Variants in SBNO2 observed in about 807,000 individuals in gnomAD.
The protein encoded by SBNO2 is strawberry notch homolog 2, also known as protein strawberry notch homolog 2.
In SBNO2, 89 loss-of-function variants were observed where a neutral mutation model predicts 146.3. That is an observed-to-expected ratio of 0.61 (90% confidence interval 0.51 to 0.73). SBNO2 has a LOEUF of 0.73. SBNO2 is among the 30% of genes least tolerant of loss of function. The pLI is 0.00. For missense variants in SBNO2, 2,092 were observed against 2,003.7 expected, an observed-to-expected ratio of 1.04 and a Z score of -0.84; for synonymous variants, 1,147 against 892.6, an observed-to-expected ratio of 1.29 and a Z score of -5.08.
chr19:1,116,753 AGGCCACAGGTGGCCACAGAG>A, intron 16 of SBNO2, 56 bp downstream of exon 16: 1 of 1,310,864 alleles, frequency 7.6e-7, no homozygotes, highest in South Asian at 1.4e-5. Flanking sequence ...GGGCAGGGTC[AGGCCACAGGTGGCCACAGAG>A]AGGGGTGGCC....
At position 1,174,185 on chromosome 19, in the gene SBNO2, C is replaced by G. The variant is rs1470265560; in HGVS notation, c.-140G>C. 6.6e-6 allele frequency: 1 copy of G among 151,866 alleles called. No homozygotes were observed. The highest frequency in any genetic ancestry group is 2.4e-5 in the African/African-American group (1 of 41,376). The allele number at this position is 151,866 out of a possible 1,614,324, so 9.4% of individuals were successfully genotyped here. A position where few individuals can be genotyped will look rare whatever the true frequency, so the allele number is the denominator to read the frequency against. Reference sequence around the variant, plus strand: ...CCAGAGCCTCACCTCGGGCCCGGGTCCGGCCGGGCGCGGAGCCCGCGGCGC... The same window carrying G: ...CCAGAGCCTCACCTCGGGCCCGGGTGCGGCCGGGCGCGGAGCCCGCGGCGC... On this transcript the variant is annotated 5_prime_UTR_variant, in exon 1 of 32. Coordinates refer to ENST00000361757, the MANE Select transcript of SBNO2 (RefSeq NM_014963.3).
At position 1,173,271 on chromosome 19, in the gene SBNO2, CCGG is replaced by C. The variant is rs1369302319; in HGVS notation, c.-127+898_-127+900del. 2.0e-5 allele frequency among the ~76,000 whole-genome samples: 3 copies of C among 152,122 alleles called. No homozygotes were observed. Among genetic ancestry groups the C allele is most frequent in the African/African-American group, 2.4e-5 (1 of 41,386 alleles). The stretch of plus-strand genomic sequence containing the variant: ...TCCCCTTCACCGACACACGCTGCTC[CCGG>C]GCCCCACTCGGGCCATCTCAGCCCG... On this transcript the variant is annotated intron_variant, in intron 1 of 31. Coordinates refer to ENST00000361757, the MANE Select transcript of SBNO2 (RefSeq NM_014963.3). The surrounding 1 kb of genome is among the most constrained non-coding windows in gnomAD (Gnocchi z 4.7).
intron 5 of SBNO2, 24 bp downstream of exon 5, chr19:1,127,580 G>C (rs768202294): frequency 6.2e-7 from 1 of 1,606,926 alleles, no homozygotes; most frequent in Non-Finnish European, 8.5e-7. Context: ...GTCGGGGCTG[G>C]CTGGGGGCAC....
Position 1,149,390 on chromosome 19 carries a change from G to C in SBNO2, c.146C>G (p.Pro49Arg), listed in dbSNP as rs1429521181. The change falls in exon 3 of 32, where the codon CCT (proline) becomes CGT (arginine). Residue 49 changes from proline to arginine, a missense_variant. By Grantham distance (103) the Pro-to-Arg change is moderately radical. Coordinates refer to ENST00000361757, the MANE Select transcript of SBNO2 (RefSeq NM_014963.3). ...TCACCGGCTGTCGCTGGAGAAGGCA[G>C]GGTATGGCGGCAGCGAGAAGGTGTT... is the stretch of plus-strand genomic sequence containing the variant. Reference protein sequence around the residue: ...YWNTFSLPPYPAFSSDSRPFM... With the variant: ...YWNTFSLPPYRAFSSDSRPFM... 1.3e-6 allele frequency: 2 copies of C among 1,552,458 alleles called. No individual in the cohort carries two copies. The highest frequency in any genetic ancestry group is 1.7e-6 in the Non-Finnish European group (2 of 1,148,282).
chr19:1,143,456 A>G (rs146200651), intron 4 of SBNO2, among the ~76,000 whole-genome samples: 81 of 152,300 alleles, frequency 5.3e-4, no homozygotes, highest in African/African-American at 1.8e-3. Flanking sequence ...TGAACAACAG[A>G]GCCAGACCCT....
intron 1 of SBNO2, among the ~76,000 whole-genome samples, chr19:1,166,489 T>G (rs1481992394): frequency 6.6e-6 from 1 of 152,060 alleles, no homozygotes; most frequent in African/African-American, 2.4e-5. Flanking sequence ...GCTCGGGTCT[T>G]GTGTTTATTT....
intron 1 of SBNO2, among the ~76,000 whole-genome samples, chr19:1,172,723 C>G (rs1016306179): frequency 6.7e-6 from 1 of 148,524 alleles, no homozygotes; most frequent in African/African-American, 2.5e-5. Flanking sequence ...CCCTCCCATG[C>G]TCTTCTCTTG....
rs574171463 is a variant in SBNO2 at position 1,110,554 on chromosome 19, G to T, written c.3028+191C>A. Among the ~76,000 whole-genome samples, 12 of 136,774 alleles carry T rather than the reference G, an allele frequency of 8.8e-5. No individual in the cohort carries two copies. The highest frequency in any genetic ancestry group is 2.0e-4 in the East Asian group (1 of 4,990). The allele number at this position is 136,774 out of a possible 152,430, so 89.7% of individuals were successfully genotyped here. On this transcript the variant is annotated intron_variant, in intron 26 of 31. Coordinates refer to ENST00000361757, the MANE Select transcript of SBNO2 (RefSeq NM_014963.3). The surrounding 1 kb of genome is among the most constrained non-coding windows in gnomAD (Gnocchi z 4.9). Reference sequence around the variant, plus strand: ...AATGCACGGTGTTCCCACGAGCCCCGAGCCCACCTGGGATGCCCGGCGTTC... The same window carrying T: ...AATGCACGGTGTTCCCACGAGCCCCTAGCCCACCTGGGATGCCCGGCGTTC...
chr19:1,124,790 T>C (rs1277988417), intron 5 of SBNO2, among the ~76,000 whole-genome samples: 1 of 152,092 alleles, frequency 6.6e-6, no homozygotes, highest in African/African-American at 2.4e-5. Flanking sequence ...CCCCAGGCCT[T>C]GGCAGACAGG....
chr19:1,149,494 A>G, intron 2 of SBNO2, 52 bp from the exon 3 acceptor site: 1 of 1,488,224 alleles, frequency 6.7e-7, no homozygotes. Flanking sequence ...CCTGCGGTGC[A>G]GCCCGGCTAA....
In SBNO2 at chr19:1,158,977, G is replaced by A. The variant is rs371556697; in HGVS notation, c.-126-4575C>T. ...CGTGACCCCACTTGCAGCTGCAACC[G>A]CCGCCCCACGGCCGTGACCCCACCT... On this transcript the variant is annotated intron_variant, in intron 1 of 31. Coordinates refer to ENST00000361757, the MANE Select transcript of SBNO2 (RefSeq NM_014963.3). The surrounding 1 kb of genome is among the most constrained non-coding windows in gnomAD (Gnocchi z 9.9). Among the ~76,000 whole-genome samples the A allele has an allele frequency of 9.1e-4, 130 of 142,590 alleles. No individual in the cohort carries two copies. The highest frequency in any genetic ancestry group is 3.5e-3 in the African/African-American group (128 of 37,094). 93.5% of individuals were successfully genotyped at this position (142,590 alleles called of 152,430 possible).
At position 1,112,321 on chromosome 19, in the gene SBNO2, C is replaced by CA; in HGVS notation, c.2516-21dup. On this transcript the variant is annotated intron_variant, in intron 21 of 31. Coordinates refer to ENST00000361757, the MANE Select transcript of SBNO2 (RefSeq NM_014963.3). The surrounding 1 kb of genome is among the most constrained non-coding windows in gnomAD (Gnocchi z 5.9). ...TGCGGCCTGGGGGCAGAGCTGCTCT[C>CA]AGGGCCCGGCCAGGCGGGGGCGGGG... is the stretch of plus-strand genomic sequence containing the variant. 3.2e-6 allele frequency: 5 copies of CA among 1,574,872 alleles called. No individual in the cohort carries two copies. Among genetic ancestry groups the CA allele is most frequent in the Non-Finnish European group, 4.3e-6 (5 of 1,161,918 alleles).
At chr19:1,142,753 G>C (rs2080153009) in intron 4 of SBNO2, among the ~76,000 whole-genome samples, 1 of 152,072 alleles carries the variant, frequency 6.6e-6, no homozygotes, top group South Asian at 2.1e-4. Flanking sequence ...GATCACCTGA[G>C]GTCAGGAGTT....
At position 1,122,936 on chromosome 19, in the gene SBNO2, G is replaced by A. The variant is rs752814016; in HGVS notation, c.738C>T (p.Ala246=). 3.9e-6 allele frequency: 6 copies of A among 1,558,364 alleles called. No homozygotes were observed. Among genetic ancestry groups the A allele is most frequent in the Middle Eastern group, 1.7e-4 (1 of 6,024 alleles). The change falls in exon 8 of 32, where the codon GCC becomes GCT. Residue 246 remains alanine (A), a synonymous_variant. Transcript: ENST00000361757. ...TGGCCTCTAGCTGCAGGGCAGACAG[G>A]GCCCCGCTGTCCGAGGGCAGGGCCA... ...YTLALPSDSG[A]LSALQLEAIT...
At position 1,109,127 on chromosome 19, in the gene SBNO2, G is replaced by A. The variant is rs1469402878; in HGVS notation, c.3425+8C>T. ...CCGGTTTCCCCCTGGTCCCCGGCCC[G>A]CCCTCACCAGGCGCTGTGGCTGCAG... On this transcript the variant is annotated splice_region_variant and intron_variant, in intron 30 of 31. Coordinates refer to ENST00000361757, the MANE Select transcript of SBNO2 (RefSeq NM_014963.3). This position sits in a 1 kb window ranked among gnomAD's most constrained non-coding sequence, Gnocchi z 4.2. 8 of 1,550,618 alleles carry A rather than the reference G, an allele frequency of 5.2e-6. No homozygotes were observed. The Middle Eastern group carries it at 5.1e-4, about 100-fold the overall frequency.
chr19:1,119,791 G>T, intron 12 of SBNO2, 115 bp downstream of exon 12: 5 of 967,984 alleles, frequency 5.2e-6, no homozygotes, highest in Middle Eastern at 2.6e-4. Flanking sequence ...CAGTGTCCGA[G>T]GAGGAGCAGG....
At chr19:1,143,124 G>A (rs2080156257) in intron 4 of SBNO2, among the ~76,000 whole-genome samples, 1 of 152,154 alleles carries the variant, frequency 6.6e-6, no homozygotes, top group Non-Finnish European at 1.5e-5. Context: ...CAGGTCACAC[G>A]ATGGCTTTGA....
Position 1,147,417 on chromosome 19 carries a change from C to G in SBNO2, c.171G>C (p.Pro57=), listed in dbSNP as rs373473307. The G allele has an allele frequency of 1.7e-5, 18 of 1,077,058 alleles. No homozygotes were observed. Among genetic ancestry groups the G allele is most frequent in the Non-Finnish European group, 2.0e-5 (16 of 804,832 alleles). 66.7% of individuals were successfully genotyped at this position (1,077,058 alleles called of 1,614,324 possible). A position where few individuals can be genotyped will look rare whatever the true frequency, so the allele number is the denominator to read the frequency against. ...CGAGGAAGGAGGCGGAGCTCATGAACGGGCTGGAGGGAGATGGGGGGGGGG... is the reference window on the plus strand; with the variant it reads ...CGAGGAAGGAGGCGGAGCTCATGAAGGGGCTGGAGGGAGATGGGGGGGGGG... ...PYPAFSSDSR[P]FMSSASFLGS... The change falls in exon 4 of 32, where the codon CCG becomes CCC. Residue 57 remains proline (P), a synonymous_variant. Transcript: ENST00000361757.
intron 4 of SBNO2, chr19:1,132,187 G>GGCTCCCTCATGACCGCGGCAGCA: frequency 2.9e-6 from 4 of 1,400,330 alleles, no homozygotes; most frequent in Non-Finnish European, 3.7e-6. Context: ...GCCCGGGAGC[G>GGCTCCCTCATGACCGCGGCAGCA]GCTCCCTCAT....
Sources: allele counts gnomAD v4.1 joint callset (sites outside exome capture counted in the v4.1 genomes callset), GRCh38; gene constraint gnomAD v4.1.1; non-coding constraint Gnocchi (gnomAD v3.1); transcripts MANE v1.5; gene names NCBI Gene and HGNC (gene_info 2026-07-23, HGNC 2026-07-21).